The following THRAP3 variants were observed in gnomAD, a reference collection of about 807,000 sequenced individuals.
THRAP3 encodes thyroid hormone receptor associated protein 3, also known as thyroid hormone receptor-associated protein 3.
In THRAP3, 16 loss-of-function variants were observed where a neutral mutation model predicts 101.0. The ratio of observed to expected loss-of-function variants is 0.16; its 90% CI spans 0.11 to 0.24. The LOEUF is 0.24. THRAP3 is among the 10% of genes least tolerant of loss of function. The probability of loss-of-function intolerance (pLI) is 1.00; values close to 1 mark genes in which losing one functional copy is unlikely to be tolerated. For synonymous variants in THRAP3, 407 were observed against 422.6 expected, an observed-to-expected ratio of 0.96 and a Z score of 0.45; for missense variants, 989 against 1,202.7, an observed-to-expected ratio of 0.82 and a Z score of 2.63.
chr1:36,247,410 G>A (rs896918117), intron 1 of THRAP3, among the ~76,000 whole-genome samples: 42 of 151,468 alleles, frequency 2.8e-4, no homozygotes, highest in Admixed American at 2.5e-3. Flanking sequence ...CTGCAACCTC[G>A]GCCTCGTAGG....
At chr1:36,218,483 G>A in the THRAP3 span, among the ~76,000 whole-genome samples, 1 of 148,820 alleles carries the variant, frequency 6.7e-6, no homozygotes, top group Non-Finnish European at 1.5e-5. Context: ...TTGGGAGGCC[G>A]AGGTGGGTGG....
chr1:36,215,093 G>A, the THRAP3 span, among the ~76,000 whole-genome samples: 11 of 149,532 alleles, frequency 7.4e-5, no homozygotes, highest in Admixed American at 2.7e-4. Context: ...GCATGGTGGC[G>A]GGCGCCTGTA....
chr1:36,223,817 T>C (rs569186514), upstream of THRAP3, among the ~76,000 whole-genome samples: 139 of 152,228 alleles, frequency 9.1e-4, no homozygotes, highest in African/African-American at 3.2e-3. Context: ...GGTCTCCGAA[T>C]GAGGTCACAC....
chr1:36,209,868 C>A, the THRAP3 span, among the ~76,000 whole-genome samples: 1 of 152,152 alleles, frequency 6.6e-6, no homozygotes, highest in Non-Finnish European at 1.5e-5. Flanking sequence ...AGGGGACATC[C>A]CAACTGCAAA....
At chr1:36,301,143 C>G in intron 10 of THRAP3, 59 bp downstream of exon 10, 2 of 1,529,334 alleles carry the variant, frequency 1.3e-6, no homozygotes, top group Admixed American at 4.0e-5. Context: ...GCTTTGATCA[C>G]GTTTCATCAG....
At chr1:36,260,113 G>A (rs2124489639) in intron 2 of THRAP3, among the ~76,000 whole-genome samples, 1 of 151,300 alleles carries the variant, frequency 6.6e-6, no homozygotes, top group South Asian at 2.1e-4. Flanking sequence ...ATGGTGGCAG[G>A]CACCTGTAAT....
intron 1 of THRAP3, among the ~76,000 whole-genome samples, chr1:36,256,287 G>A (rs916557947): frequency 6.6e-6 from 1 of 151,320 alleles, no homozygotes; most frequent in African/African-American, 2.4e-5. Context: ...GTGCAGTGGC[G>A]CAATCTTGGC....
intron 1 of THRAP3, among the ~76,000 whole-genome samples, chr1:36,227,663 G>T (rs950108809): frequency 9.9e-4 from 151 of 152,158 alleles, no homozygotes; most frequent in Non-Finnish European, 7.6e-4. Flanking sequence ...ATGGAAAATG[G>T]ATTGTGAGGT....
intron 1 of THRAP3, among the ~76,000 whole-genome samples, chr1:36,229,832 A>G (rs1450428018): frequency 2.0e-5 from 3 of 148,672 alleles, no homozygotes; most frequent in Non-Finnish European, 1.5e-5. Context: ...TTGTATTTTT[A>G]GTAGAGTTGA....
chr1:36,300,826 C>T, intron 9 of THRAP3, 60 bp from the exon 10 acceptor site: 2 of 1,564,562 alleles, frequency 1.3e-6, no homozygotes, highest in East Asian at 4.5e-5. Context: ...CCATGAGGCC[C>T]CAGCCAAGCA....
chr1:36,285,012 A>T (rs998617408), intron 3 of THRAP3, among the ~76,000 whole-genome samples: 2 of 151,840 alleles, frequency 1.3e-5, no homozygotes, highest in African/African-American at 2.4e-5. Flanking sequence ...TGGTGTAGAT[A>T]AAAAAATCTG....
At chr1:36,230,943 G>A (rs147234344) in intron 1 of THRAP3, among the ~76,000 whole-genome samples, 174 of 152,298 alleles carry the variant, frequency 1.1e-3, no homozygotes, top group Non-Finnish European at 1.8e-3. Flanking sequence ...ATCTTTTATA[G>A]TTGGGGCATG....
At chr1:36,282,040 T>G (rs1645737922) in intron 2 of THRAP3, among the ~76,000 whole-genome samples, 1 of 151,734 alleles carries the variant, frequency 6.6e-6, no homozygotes, top group Admixed American at 6.6e-5. Context: ...GCCATTGCAC[T>G]CTAGCCTGGG....
chr1:36,212,418 CTT>C, the THRAP3 span, among the ~76,000 whole-genome samples: 20 of 122,008 alleles, frequency 1.6e-4, no homozygotes, highest in South Asian at 5.2e-4. Flanking sequence ...TTCTTTCTTT[CTT>C]TTTTTTTTTT....
chr1:36,277,032 G>A (rs759074289), intron 2 of THRAP3, among the ~76,000 whole-genome samples: 2 of 150,218 alleles, frequency 1.3e-5, no homozygotes, highest in African/African-American at 2.4e-5. Flanking sequence ...GTAATGGCAC[G>A]GTCTTGACTC....
At chr1:36,282,378 C>A (rs1032629814) in intron 2 of THRAP3, among the ~76,000 whole-genome samples, 155 bp from the exon 3 acceptor site, 1 of 149,430 alleles carries the variant, frequency 6.7e-6, no homozygotes, top group Admixed American at 6.7e-5. Context: ...ACCACTGTGA[C>A]TGGCTAATTA....
chr1:36,214,715 C>T, the THRAP3 span, among the ~76,000 whole-genome samples: 3 of 151,760 alleles, frequency 2.0e-5, no homozygotes, highest in East Asian at 1.9e-4. Flanking sequence ...AAAAATTAGC[C>T]GAGCATGGTG....
intron 2 of THRAP3, among the ~76,000 whole-genome samples, chr1:36,266,297 G>A (rs1028706475): frequency 2.6e-5 from 4 of 152,108 alleles, no homozygotes; most frequent in African/African-American, 7.2e-5. Flanking sequence ...CTGCACTCCA[G>A]CCTGGGCAAC....
intron 1 of THRAP3, among the ~76,000 whole-genome samples, chr1:36,228,327 C>G (rs968924797): frequency 6.6e-6 from 1 of 152,186 alleles, no homozygotes; most frequent in Non-Finnish European, 1.5e-5. Context: ...AAGCGATTCT[C>G]CAGCCTCAGC....
Sources: allele counts gnomAD v4.1 joint callset (sites outside exome capture counted in the v4.1 genomes callset), GRCh38; gene constraint gnomAD v4.1.1; transcripts MANE v1.5; gene names NCBI Gene and HGNC (gene_info 2026-07-23, HGNC 2026-07-21).